MTAP: variants seen among roughly 807,000 people sequenced by gnomAD.
MTAP encodes the protein methylthioadenosine phosphorylase, also known as S-methyl-5'-thioadenosine phosphorylase.
Under a neutral mutation model 33.6 loss-of-function variants are expected in MTAP, and 33 were observed. That is an observed-to-expected ratio of 0.98 (90% confidence interval 0.74 to 1.31). The LOEUF (loss-of-function observed/expected upper bound fraction) is 1.31. Among genes scored for constraint, MTAP ranks in the 40% most tolerant of loss-of-function variants. The pLI, the probability that MTAP is intolerant of heterozygous loss-of-function variation, is 0.00. For synonymous variants in MTAP, 148 were observed against 125.7 expected, an observed-to-expected ratio of 1.18 and a Z score of -1.19; for missense variants, 367 against 360.0, an observed-to-expected ratio of 1.02 and a Z score of -0.16.
At chr9:21,915,102 CG>C (rs1162392511) in intron 1 of MTAP, among the ~76,000 whole-genome samples, 1 of 119,426 alleles carries the variant, frequency 8.4e-6, no homozygotes, top group African/African-American at 4.0e-5. Context: ...TCTTTTCTTT[CG>C]GCAGAGTCTT....
chr9:21,829,620 G>C (rs1291086383), intron 4 of MTAP, among the ~76,000 whole-genome samples: 1 of 146,706 alleles, frequency 6.8e-6, no homozygotes, highest in Middle Eastern at 3.5e-3. Context: ...TTGTCAGCAC[G>C]TTGTCTCAGA....
chr9:21,914,076 A>G (rs1180898465), intron 1 of MTAP, among the ~76,000 whole-genome samples: 2 of 152,182 alleles, frequency 1.3e-5, no homozygotes, highest in African/African-American at 4.8e-5. Context: ...CAAAATCACA[A>G]TGAGATACCA....
chr9:21,820,208 G>C (rs961242136), intron 4 of MTAP, among the ~76,000 whole-genome samples: 1 of 152,180 alleles, frequency 6.6e-6, no homozygotes, highest in Non-Finnish European at 1.5e-5. Flanking sequence ...TAGTCATGAA[G>C]TCCTTCCCCA....
chr9:21,802,987 C>CACACACACACACACACACACACAA, intron 1 of MTAP: 4 of 332,860 alleles, frequency 1.2e-5, no homozygotes, highest in Non-Finnish European at 1.3e-5. Context: ...GCACCGCCAA[C>CACACACACACACACACACACACAA]ACACACACAC....
Position 21,818,207 on chromosome 9 carries a change from G to C in MTAP, c.347+5G>C. The C allele has an allele frequency of 6.2e-7, 1 of 1,605,706 alleles. No individual in the cohort carries two copies. The highest frequency in any genetic ancestry group is 8.5e-7 in the Non-Finnish European group (1 of 1,175,218). On this transcript the variant is annotated splice_donor_5th_base_variant and intron_variant, in intron 4 of 7. Transcript: ENST00000644715. ...TATTGATCAGTTCATTGACAGGTAA[G>C]CAGTCATACAAAATGCTTTAGGCTA...
chr9:21,890,351 A>G (rs1471009092), intron 1 of MTAP, among the ~76,000 whole-genome samples: 2 of 152,128 alleles, frequency 1.3e-5, no homozygotes, highest in Non-Finnish European at 2.9e-5. Context: ...CCCAGGCTAC[A>G]TGTCTCCTTG....
chr9:21,827,193 G>A (rs73429364), intron 4 of MTAP, among the ~76,000 whole-genome samples: 9,315 of 152,162 alleles, frequency 0.061, 967 homozygotes, highest in African/African-American at 0.21. Context: ...GGGCTGGATG[G>A]AGAGTGGAGA....
intron 1 of MTAP, among the ~76,000 whole-genome samples, chr9:21,872,542 A>G (rs768476555): frequency 2.0e-5 from 3 of 152,216 alleles, no homozygotes; most frequent in Admixed American, 1.3e-4. Flanking sequence ...ACTGTCACTC[A>G]TCAGTGTTAT....
chr9:21,803,878 T>C (rs147484103), intron 1 of MTAP, among the ~76,000 whole-genome samples: 291 of 152,298 alleles, frequency 1.9e-3, no homozygotes, highest in Middle Eastern at 3.4e-3. Flanking sequence ...GATTAGTTTA[T>C]TACGCCCTTG....
chr9:21,810,554 T>C (rs1587196304), intron 1 of MTAP, among the ~76,000 whole-genome samples: 1 of 152,128 alleles, frequency 6.6e-6, no homozygotes, highest in African/African-American at 2.4e-5. Context: ...TTACCATGGC[T>C]CATGACTCAA....
intron 5 of MTAP, among the ~76,000 whole-genome samples, chr9:21,844,798 G>T (rs1216908971): frequency 6.6e-6 from 1 of 152,168 alleles, no homozygotes; most frequent in African/African-American, 2.4e-5. Context: ...ACTTTGGGAG[G>T]CCAAGGCGGG....
chr9:21,865,049 G>A lies in MTAP; in HGVS notation c.*3035G>A, dbSNP rs1825829830. The A allele has an allele frequency of 1.0e-6, 1 of 985,426 alleles. No individual in the cohort carries two copies. 61.0% of individuals were successfully genotyped at this position (985,426 alleles called of 1,614,324 possible). ...GGAAGTCACGAAATGAGGAGTTCTT[G>A]CCACATTTGCAGAGTCCCTCCTTGA... On this transcript the variant is annotated 3_prime_UTR_variant, in exon 8 of 8. Transcript: ENST00000644715.
chr9:21,860,700 T>C (rs1408121440), intron 7 of MTAP: 1 of 152,244 alleles, frequency 6.6e-6, no homozygotes, highest in Non-Finnish European at 1.5e-5. Flanking sequence ...ATGTGACTCC[T>C]ACTTGTACTA....
At chr9:21,826,132 G>T (rs1824792634) in intron 4 of MTAP, among the ~76,000 whole-genome samples, 1 of 150,874 alleles carries the variant, frequency 6.6e-6, no homozygotes, top group Admixed American at 6.6e-5. Context: ...ATACACAAAA[G>T]AATAATAATC....
Position 21,865,875 on chromosome 9 carries a change from C to A in MTAP, c.*3861C>A. 2.6e-6 allele frequency: 2 copies of A among 777,896 alleles called. No homozygotes were observed. Among genetic ancestry groups the A allele is most frequent in the Non-Finnish European group, 1.6e-6 (1 of 640,248 alleles). The allele number at this position is 777,896 out of a possible 1,614,324, so 48.2% of individuals were successfully genotyped here. Reference sequence around the variant, plus strand: ...TTGCCTAGTAGTATTCTGTCATATGCCTATCTTACAATTTGATTATCTATT... The same window carrying A: ...TTGCCTAGTAGTATTCTGTCATATGACTATCTTACAATTTGATTATCTATT... On this transcript the variant is annotated 3_prime_UTR_variant, in exon 8 of 8. Coordinates refer to ENST00000644715, the MANE Select transcript of MTAP (RefSeq NM_002451.4).
chr9:21,939,367 G>T (rs911618900), downstream of MTAP, among the ~76,000 whole-genome samples: 4 of 152,124 alleles, frequency 2.6e-5, no homozygotes, highest in African/African-American at 9.7e-5. Flanking sequence ...TTTCTTTAAT[G>T]TCTAATTTTT....
rs116577015 is a variant in MTAP at position 21,883,158 on chromosome 9, C to A, written c.147+28288C>A. Among the ~76,000 whole-genome samples the A allele has an allele frequency of 9.8e-4, 148 of 150,582 alleles. 1 individual carries two copies. Among genetic ancestry groups the A allele is most frequent in the African/African-American group, 3.5e-3 (146 of 41,148 alleles). Reference sequence around the variant, plus strand: ...AAACAAAAACTGGTGTCCAGAATATCCAAAAACACCCTAACAAATCACTGA... The same window carrying A: ...AAACAAAAACTGGTGTCCAGAATATACAAAAACACCCTAACAAATCACTGA... On this transcript the variant is annotated intron_variant, in intron 1 of 1. Transcript: ENST00000577563.
intron 4 of MTAP, among the ~76,000 whole-genome samples, chr9:21,836,349 A>T (rs185025319): frequency 1.3e-5 from 2 of 152,326 alleles, no homozygotes; most frequent in East Asian, 1.9e-4. Flanking sequence ...TAACTTAAAT[A>T]CATGTTATTC....
chr9:21,861,957 C>T lies in MTAP; in HGVS notation c.814-19C>T. ...TTACGCCAACATGTGAATATCACTG[C>T]CTCCTTTCTTCCTTTCAGAATATGG... On this transcript the variant is annotated intron_variant, in intron 7 of 7. Coordinates refer to ENST00000644715, the MANE Select transcript of MTAP (RefSeq NM_002451.4). The T allele has an allele frequency of 7.4e-7, 1 of 1,351,830 alleles. No homozygotes were observed. Among genetic ancestry groups the T allele is most frequent in the Non-Finnish European group, 1.1e-6 (1 of 942,060 alleles). The allele number at this position is 1,351,830 out of a possible 1,614,324, so 83.7% of individuals were successfully genotyped here.
Sources: gnomAD v4.1 joint callset for allele counts (sites outside exome capture counted in the v4.1 genomes callset) on GRCh38, gnomAD v4.1.1 for gene constraint, MANE v1.5 for transcripts, NCBI Gene and HGNC (gene_info 2026-07-23, HGNC 2026-07-21) for gene names.